Variants in MAN2C1 observed in about 807,000 individuals in gnomAD.
MAN2C1 encodes the protein alpha-mannosidase 2C1.
Under a neutral mutation model 126.9 loss-of-function variants are expected in MAN2C1, and 111 were observed. That is an observed-to-expected ratio of 0.87 (90% CI 0.75 to 1.02). MAN2C1 has a LOEUF of 1.02. MAN2C1 is among the 50% of genes least tolerant of loss of function. The pLI is 0.00. For synonymous variants in MAN2C1, 567 were observed against 561.5 expected, an observed-to-expected ratio of 1.01 and a Z score of -0.14; for missense variants, 1,363 against 1,364.4, an observed-to-expected ratio of 1.00 and a Z score of 0.02.
At position 75,358,563 on chromosome 15, in the gene MAN2C1, G is replaced by C; in HGVS notation, c.2302C>G (p.Arg768Gly). 6.2e-7 allele frequency: 1 copy of C among 1,613,388 alleles called. No homozygotes were observed. Among genetic ancestry groups the C allele is most frequent in the South Asian group, 1.1e-5 (1 of 91,086 alleles). ...TLAVGTEGGL[R>G]GSAWFLLQIS... is the part of the protein sequence containing the mutation. ...TGTAGCAAGAACCAGGCGCTGCCCC[G>C]CAGGCCGCCCTCGGTGCCCACTGCC... Residue 768 changes from arginine to glycine, a missense_variant, in exon 20 of 26, where the codon CGG becomes GGG. Transcript: ENST00000267978.
chr15:75,367,998 C>A, intron 2 of MAN2C1, 75 bp downstream of exon 2: 1 of 1,507,952 alleles, frequency 6.6e-7, no homozygotes, highest in South Asian at 1.2e-5. Context: ...GGGCAGACAA[C>A]GAAGGTGTGG....
Position 75,358,256 on chromosome 15 carries a change from C to T in MAN2C1, c.2492G>A (p.Gly831Glu). The T allele has an allele frequency of 1.2e-6, 2 of 1,614,172 alleles. No homozygotes were observed. The highest frequency in any genetic ancestry group is 1.3e-5 in the African/African-American group (1 of 75,044). ...GTAGTGGGTAGGTCGCTGCAGGTGC[C>T]CAAACTGGATCTCATAGGTGGCCTG... ...SSQATYEIQF[G>E]HLQRPTHYNT... Residue 831 changes from glycine (G) to glutamate (E), a missense_variant, in exon 21 of 26, where the codon GGG (glycine) becomes GAG (glutamate). Transcript: ENST00000267978.
intron 12 of MAN2C1, 147 bp from the exon 13 acceptor site, chr15:75,360,835 A>G (rs1567278951): frequency 1.7e-6 from 2 of 1,208,290 alleles, no homozygotes; most frequent in Non-Finnish European, 2.3e-6. Context: ...TGGACGCCCT[A>G]GGAGAGCCTC....
chr15:75,362,235 G>C lies in MAN2C1; in HGVS notation c.1008+108C>G, dbSNP rs1446182414. 4.2e-6 allele frequency: 4 copies of C among 946,038 alleles called. No homozygotes were observed. In the Admixed American group the frequency reaches 6.0e-5, roughly 14 times the overall value. The allele number at this position is 946,038 out of a possible 1,614,324, so 58.6% of individuals were successfully genotyped here. A position where few individuals can be genotyped will look rare whatever the true frequency, so the allele number is the denominator to read the frequency against. On this transcript the variant is annotated intron_variant, in intron 8 of 25. Coordinates refer to ENST00000267978, the MANE Select transcript of MAN2C1 (RefSeq NM_006715.4). This position sits in a 1 kb window ranked among gnomAD's most constrained non-coding sequence, Gnocchi z 4.5. ...AATGAGCCAGCCCTGCCACACAGCGGGGATGAGTGGCCCGTGGAAACTCAC... is the reference window on the plus strand; with the variant it reads ...AATGAGCCAGCCCTGCCACACAGCGCGGATGAGTGGCCCGTGGAAACTCAC...
Position 75,362,950 on chromosome 15 carries a change from G to C in MAN2C1, c.791-202C>G. The C allele has an allele frequency of 1.2e-5, 7 of 580,264 alleles. No individual in the cohort carries two copies. The highest frequency in any genetic ancestry group is 1.2e-4 in the South Asian group (6 of 50,990). The allele number at this position is 580,264 out of a possible 1,614,324, so 35.9% of individuals were successfully genotyped here. A position where few individuals can be genotyped will look rare whatever the true frequency, so the allele number is the denominator to read the frequency against. On this transcript the variant is annotated intron_variant, in intron 6 of 25. Coordinates refer to ENST00000267978, the MANE Select transcript of MAN2C1 (RefSeq NM_006715.4). The surrounding 1 kb of genome is among the most constrained non-coding windows in gnomAD (Gnocchi z 4.5). ...TGGGGAAAGGAGGCGGCAGTGCTAT[G>C]AGGCCAATTATACAGGTCAGGAAAT...
rs763026868 is a variant in MAN2C1 at position 75,361,266 on chromosome 15, C to T, written c.1314+20G>A. 5.1e-6 allele frequency: 8 copies of T among 1,577,224 alleles called. No homozygotes were observed. The highest frequency in any genetic ancestry group is 6.0e-6 in the Non-Finnish European group (7 of 1,161,514). Reference sequence around the variant, plus strand: ...CCTCTCCAGCCTGCCCCTACCCCACCACCCTAGGTGACCCCTCACCTCCTC... The same window carrying T: ...CCTCTCCAGCCTGCCCCTACCCCACTACCCTAGGTGACCCCTCACCTCCTC... On this transcript the variant is annotated intron_variant, in intron 11 of 25. Transcript: ENST00000267978. The surrounding 1 kb of genome is among the most constrained non-coding windows in gnomAD (Gnocchi z 5.0).
intron 2 of MAN2C1, 121 bp from the exon 3 acceptor site, chr15:75,367,755 A>G: frequency 7.7e-7 from 1 of 1,298,776 alleles, no homozygotes; most frequent in Non-Finnish European, 1.1e-6. Flanking sequence ...CAAGGTACTC[A>G]GCTTTGAGTC....
rs375508141 is a variant in MAN2C1 at position 75,358,504 on chromosome 15, A to G, written c.2361T>C (p.Val787=). ...ISPNSRLSQE[V]VLDVGCPYVR... is the part of the protein sequence containing the mutation. ...CATAGGGGCAGCCAACGTCCAGCAC[A>G]ACCTCCTGGCTAAGCCGACTGTTGG... The change falls in exon 20 of 26, where the codon GTT becomes GTC. Residue 787 remains valine, a synonymous_variant. Coordinates refer to ENST00000267978, the MANE Select transcript of MAN2C1 (RefSeq NM_006715.4). 36 of 1,613,394 alleles carry G rather than the reference A, an allele frequency of 2.2e-5. No individual in the cohort carries two copies. The highest frequency in any genetic ancestry group is 2.8e-5 in the Non-Finnish European group (33 of 1,180,022).
In MAN2C1 at chr15:75,361,804, C is replaced by A; in HGVS notation, c.1101+51G>T. On this transcript the variant is annotated intron_variant, in intron 9 of 25. Transcript: ENST00000267978. This position sits in a 1 kb window ranked among gnomAD's most constrained non-coding sequence, Gnocchi z 5.0. The stretch of plus-strand genomic sequence containing the variant: ...GCCTCAGCCCCTCAGCACTCCAAGT[C>A]GAGCGCCAGCCCCACTCGCCCACAG... 1 of 1,598,614 alleles carries A rather than the reference C, an allele frequency of 6.3e-7. No homozygotes were observed. Among genetic ancestry groups the A allele is most frequent in the South Asian group, 1.1e-5 (1 of 90,646 alleles).
chr15:75,356,367 C>A lies in MAN2C1; in HGVS notation c.2820G>T (p.Ala940=), dbSNP rs766358641. Residue 940 remains alanine (A), a synonymous_variant, in exon 24 of 26, where the codon GCG becomes GCT. Transcript: ENST00000267978. This position sits in a 1 kb window ranked among gnomAD's most constrained non-coding sequence, Gnocchi z 5.8. The part of the protein sequence containing the change: ...PLLALPAPSP[A]PATSWSAFSV... ...AAAACGCACTCCAGGAGGTGGCGGGCGCTGGGCTGGGGGCTGGCAGAGCCA... is the reference window on the plus strand; with the variant it reads ...AAAACGCACTCCAGGAGGTGGCGGGAGCTGGGCTGGGGGCTGGCAGAGCCA... 1.9e-6 allele frequency: 3 copies of A among 1,611,622 alleles called. No individual in the cohort carries two copies. Among genetic ancestry groups the A allele is most frequent in the African/African-American group, 2.7e-5 (2 of 74,890 alleles).
Position 75,359,314 on chromosome 15 carries a change from C to A in MAN2C1, c.2046+14G>T, listed in dbSNP as rs1209074416. The stretch of plus-strand genomic sequence containing the variant: ...CCAGCACAGTTCCTGCCCCCCAGGG[C>A]ATGCAGGACTCACCTCTTGCACTAC... On this transcript the variant is annotated intron_variant, in intron 17 of 25. Transcript: ENST00000267978. The A allele has an allele frequency of 9.5e-6, 15 of 1,577,240 alleles. No individual in the cohort carries two copies. The highest frequency in any genetic ancestry group is 1.0e-5 in the Non-Finnish European group (12 of 1,158,698).
Position 75,358,626 on chromosome 15 carries a change from ACAGGG to A in MAN2C1, c.2247-13_2247-9del, listed in dbSNP as rs1567274010. On this transcript the variant is annotated splice_polypyrimidine_tract_variant and intron_variant, in intron 19 of 25. Transcript: ENST00000267978. ...TGGCCCAGCACAGGCTTCCTATGGG[ACAGGG>A]GTGGACATACTGATCCAGAGCAGCC... is the stretch of plus-strand genomic sequence containing the variant. 6.2e-7 allele frequency: 1 copy of A among 1,612,554 alleles called. No individual in the cohort carries two copies. The highest frequency in any genetic ancestry group is 1.1e-5 in the South Asian group (1 of 91,016).
intron 12 of MAN2C1, 61 bp from the exon 13 acceptor site, chr15:75,360,749 C>T: frequency 6.3e-7 from 1 of 1,585,752 alleles, no homozygotes; most frequent in Non-Finnish European, 8.6e-7. Flanking sequence ...ACCCTTCTTC[C>T]ACACCAAAGC....
In MAN2C1 at chr15:75,362,514, A is replaced by G; in HGVS notation, c.898-61T>C. ...ACAAGGGCCCCACCCAGGACTGAGC[A>G]TATGGGACTCAGTGTGTGGCTGAGG... On this transcript the variant is annotated intron_variant, in intron 7 of 25. Coordinates refer to ENST00000267978, the MANE Select transcript of MAN2C1 (RefSeq NM_006715.4). The surrounding 1 kb of genome is among the most constrained non-coding windows in gnomAD (Gnocchi z 4.5). The G allele has an allele frequency of 6.6e-7, 1 of 1,519,526 alleles. No individual in the cohort carries two copies. Among genetic ancestry groups the G allele is most frequent in the Non-Finnish European group, 9.0e-7 (1 of 1,109,788 alleles). The allele number at this position is 1,519,526 out of a possible 1,614,324, so 94.1% of individuals were successfully genotyped here.
chr15:75,360,402 C>CT (rs2141331310), intron 13 of MAN2C1, 163 bp downstream of exon 13: 1 of 1,286,798 alleles, frequency 7.8e-7, no homozygotes, highest in Non-Finnish European at 1.1e-6. Flanking sequence ...TCAGGGGTTT[C>CT]TGCCTCCTTC....
intron 4 of MAN2C1, among the ~76,000 whole-genome samples, chr15:75,365,360 T>G (rs2072553547): frequency 6.6e-6 from 1 of 152,164 alleles, no homozygotes; most frequent in Admixed American, 6.5e-5. Context: ...GTGTTTTTAA[T>G]GGTGTCATAA....
chr15:75,362,978 A>C lies in MAN2C1; in HGVS notation c.791-230T>G. On this transcript the variant is annotated intron_variant, in intron 6 of 25. Coordinates refer to ENST00000267978, the MANE Select transcript of MAN2C1 (RefSeq NM_006715.4). This position sits in a 1 kb window ranked among gnomAD's most constrained non-coding sequence, Gnocchi z 4.5. ...GCCAATTATACAGGTCAGGAAATGG[A>C]GGCTCCAGGCCCCAGAATAGCCTCA... 1.9e-6 allele frequency: 1 copy of C among 531,736 alleles called. No individual in the cohort carries two copies. The highest frequency in any genetic ancestry group is 3.4e-6 in the Non-Finnish European group (1 of 294,020). The allele number at this position is 531,736 out of a possible 1,614,324, so 32.9% of individuals were successfully genotyped here. A position where few individuals can be genotyped will look rare whatever the true frequency, so the allele number is the denominator to read the frequency against.
At position 75,356,581 on chromosome 15, in the gene MAN2C1, A is replaced by T; in HGVS notation, c.2737+25T>A. Reference sequence around the variant, plus strand: ...CAGAGAGGTGTCTAGGGCTGCAGGAAGGCCCCACCGTCCCCAGCACTCACC... The same window carrying T: ...CAGAGAGGTGTCTAGGGCTGCAGGATGGCCCCACCGTCCCCAGCACTCACC... On this transcript the variant is annotated intron_variant, in intron 23 of 25. Coordinates refer to ENST00000267978, the MANE Select transcript of MAN2C1 (RefSeq NM_006715.4). This position sits in a 1 kb window ranked among gnomAD's most constrained non-coding sequence, Gnocchi z 5.8. 6.4e-7 allele frequency: 1 copy of T among 1,550,750 alleles called. No individual in the cohort carries two copies. The highest frequency in any genetic ancestry group is 8.7e-7 in the Non-Finnish European group (1 of 1,147,352).
At chr15:75,366,482 C>A in intron 4 of MAN2C1, 40 bp downstream of exon 4, 1 of 1,583,124 alleles carries the variant, frequency 6.3e-7, no homozygotes, top group East Asian at 2.2e-5. Context: ...CTGGTACTCC[C>A]TCCCTGACAG....
Sources: gnomAD v4.1 joint callset for allele counts (sites outside exome capture counted in the v4.1 genomes callset) on GRCh38, gnomAD v4.1.1 for gene constraint, Gnocchi (gnomAD v3.1) non-coding constraint, MANE v1.5 for transcripts, NCBI Gene and HGNC (gene_info 2026-07-23, HGNC 2026-07-21) for gene names.